The following RERGL variants were observed in gnomAD, a reference collection of about 807,000 sequenced individuals.
The protein encoded by RERGL is ras-related and estrogen-regulated growth inhibitor-like protein.
RERGL carries 22 observed loss-of-function variants against 24.7 expected under a neutral mutation model. The observed-to-expected ratio is 0.89, with a 90% CI of 0.64 to 1.27. RERGL has a LOEUF of 1.27. Ranked by LOEUF, RERGL falls within the 50% of genes most tolerant of loss-of-function variation. RERGL has a pLI of 0.00. For missense variants in RERGL, 259 were observed against 235.3 expected (o/e 1.10, Z -0.66); for synonymous variants, 76 against 82.6 (o/e 0.92, Z 0.43).
rs762726636 is a variant in RERGL, at chr12:18,088,895, CT to C, written c.109+4del. ...AAGGTAAAAATGTCTAGAGTAGTGA[CT>C]TACCAAAATTAGAAGCATATTCTCC... On this transcript the variant is annotated splice_donor_region_variant and intron_variant, in intron 2 of 4. Transcript: ENST00000538724. The C allele has an allele frequency of 1.3e-6, 2 of 1,586,258 alleles. No individual in the cohort carries two copies. The highest frequency in any genetic ancestry group is 2.7e-5 in the African/African-American group (2 of 74,328).
chr12:18,089,480 G>A, intron 1 of RERGL: 1 of 767,720 alleles, frequency 1.3e-6, no homozygotes, highest in East Asian at 3.4e-5. Flanking sequence ...GATTCTTTAG[G>A]CTCAAGTGAC....
chr12:18,086,461 A>T (rs766444862), intron 2 of RERGL, among the ~76,000 whole-genome samples: 1 of 152,190 alleles, frequency 6.6e-6, no homozygotes, highest in Non-Finnish European at 1.5e-5. Context: ...TTATGACTTA[A>T]TGGTTAATTC....
At chr12:18,087,627 T>C (rs1373624034) in intron 2 of RERGL, among the ~76,000 whole-genome samples, 1 of 152,192 alleles carries the variant, frequency 6.6e-6, no homozygotes, top group Non-Finnish European at 1.5e-5. Flanking sequence ...CTAGGTCTTT[T>C]ATTTTTCATC....
intron 4 of RERGL, among the ~76,000 whole-genome samples, chr12:18,081,951 T>C (rs1263370047): frequency 6.6e-6 from 1 of 152,012 alleles, no homozygotes; most frequent in Non-Finnish European, 1.5e-5. Context: ...CCATCCTGGC[T>C]AACACGGTGA....
rs775073523 is a variant in RERGL, at chr12:18,081,423, T to C, written c.383A>G (p.His128Arg). The part of the protein sequence containing the change: ...FLVGNKRDLC[H>R]VREVGWEEGQ... Reference sequence around the variant, plus strand: ...TTCTTCCCAGCCAACCTCTCGCACATGACAAAGATCTCGTTTGTTGCCAAC... The same window carrying C: ...TTCTTCCCAGCCAACCTCTCGCACACGACAAAGATCTCGTTTGTTGCCAAC... Residue 128 changes from histidine (H) to arginine (R), a missense_variant, in exon 5 of 5, where the codon CAT (histidine) becomes CGT (arginine). By Grantham distance (29) the His-to-Arg change is conservative. Coordinates refer to ENST00000538724, the MANE Select transcript of RERGL (RefSeq NM_001286201.2). 6 of 1,613,564 alleles carry C rather than the reference T, an allele frequency of 3.7e-6. No homozygotes were observed. In the Admixed American group the frequency reaches 1.0e-4, roughly 27 times the overall value.
chr12:18,081,112 G>T lies in RERGL; in HGVS notation c.*79C>A. The T allele has an allele frequency of 1.6e-6, 2 of 1,287,316 alleles. No homozygotes were observed. The highest frequency in any genetic ancestry group is 2.1e-6 in the Non-Finnish European group (2 of 944,258). The allele number at this position is 1,287,316 out of a possible 1,614,324, so 79.7% of individuals were successfully genotyped here. A position where few individuals can be genotyped will look rare whatever the true frequency, so the allele number is the denominator to read the frequency against. On this transcript the variant is annotated 3_prime_UTR_variant, in exon 5 of 5. Transcript: ENST00000538724. ...GAATTCTTTTTACCAAAAAAAAATT[G>T]CATACAAAGGTTAGTTTAATTATCA...
At chr12:18,082,892 T>C (rs1947186831) in intron 4 of RERGL, among the ~76,000 whole-genome samples, 1 of 152,188 alleles carries the variant, frequency 6.6e-6, no homozygotes, top group South Asian at 2.1e-4. Context: ...ATGTCTTCCT[T>C]GGTTATAAAG....
At position 18,084,508 on chromosome 12, in the gene RERGL, A is replaced by T. The variant is rs781372212; in HGVS notation, c.332+9T>A. ...AAAAGAAAGGAGAAAGGAATGAAAAATACCTTACCTTTTACAATGACTAGT... is the reference window on the plus strand; with the variant it reads ...AAAAGAAAGGAGAAAGGAATGAAAATTACCTTACCTTTTACAATGACTAGT... On this transcript the variant is annotated intron_variant, in intron 4 of 4. Coordinates refer to ENST00000538724, the MANE Select transcript of RERGL (RefSeq NM_001286201.2). The T allele has an allele frequency of 6.3e-7, 1 of 1,597,482 alleles. No homozygotes were observed.
rs527446280 is a variant in RERGL at position 18,082,575 on chromosome 12, A to G, written c.333-1102T>C. ...GGAGATTGTATACATTAAATGATGT[A>G]CATAAAAATACCTAACACAGGCCCA... On this transcript the variant is annotated intron_variant, in intron 4 of 4. Coordinates refer to ENST00000538724, the MANE Select transcript of RERGL (RefSeq NM_001286201.2). Among the ~76,000 whole-genome samples, 5 of 152,338 alleles carry G rather than the reference A, an allele frequency of 3.3e-5. No individual in the cohort carries two copies. The South Asian group carries it at 1.0e-3, about 32-fold the overall frequency.
At chr12:18,087,635 A>C (rs968217342) in intron 2 of RERGL, among the ~76,000 whole-genome samples, 1 of 152,118 alleles carries the variant, frequency 6.6e-6, no homozygotes, top group Admixed American at 6.5e-5. Context: ...TTTATTTTTC[A>C]TCGAGAGGTA....
chr12:18,088,382 T>C (rs1947239471), intron 2 of RERGL, among the ~76,000 whole-genome samples: 1 of 152,108 alleles, frequency 6.6e-6, no homozygotes, highest in Admixed American at 6.6e-5. Context: ...CTTAAAATTA[T>C]ATCAAAATGC....
Position 18,085,703 on chromosome 12 carries a change from T to G in RERGL, c.110-10A>C. 1 of 1,503,996 alleles carries G rather than the reference T, an allele frequency of 6.6e-7. No individual in the cohort carries two copies. The highest frequency in any genetic ancestry group is 9.2e-7 in the Non-Finnish European group (1 of 1,087,816). 93.2% of individuals were successfully genotyped at this position (1,503,996 alleles called of 1,614,324 possible). On this transcript the variant is annotated splice_polypyrimidine_tract_variant and intron_variant, in intron 2 of 4. Transcript: ENST00000538724. ...TTCTTATAGATAGATTCTGCAAAAA[T>G]ATGCATATCCACTGTCAGTATGAAA... is the stretch of plus-strand genomic sequence containing the variant.
rs554207444 is a variant in RERGL at position 18,081,402 on chromosome 12, T to C, written c.404A>G (p.Glu135Gly). ...DLCHVREVGW[E>G]EGQKLALENR... ...TTCCAGTGCCAGCTTTTGCCCTTCT[T>C]CCCAGCCAACCTCTCGCACATGACA... The change falls in exon 5 of 5, where the codon GAA becomes GGA. Residue 135 changes from glutamate to glycine, a missense_variant. Coordinates refer to ENST00000538724, the MANE Select transcript of RERGL (RefSeq NM_001286201.2). 5.0e-6 allele frequency: 8 copies of C among 1,614,006 alleles called. No homozygotes were observed. In the African/African-American group the frequency reaches 6.7e-5, roughly 13 times the overall value.
At chr12:18,088,033 T>C (rs1947236532) in intron 2 of RERGL, among the ~76,000 whole-genome samples, 1 of 152,164 alleles carries the variant, frequency 6.6e-6, no homozygotes, top group Non-Finnish European at 1.5e-5. Flanking sequence ...CATGATTGAA[T>C]GCTAAAGATT....
chr12:18,081,732 T>C lies in RERGL; in HGVS notation c.333-259A>G, dbSNP rs147780574. ...GAATTGAAGTAACATGGACCTATTATTGAATTCTGGTGCTGTCTACTAACC... is the reference window on the plus strand; with the variant it reads ...GAATTGAAGTAACATGGACCTATTACTGAATTCTGGTGCTGTCTACTAACC... On this transcript the variant is annotated intron_variant, in intron 4 of 4. Coordinates refer to ENST00000538724, the MANE Select transcript of RERGL (RefSeq NM_001286201.2). Among the ~76,000 whole-genome samples the C allele has an allele frequency of 2.0e-5, 3 of 152,312 alleles. No individual in the cohort carries two copies. In the East Asian group the frequency reaches 5.8e-4, roughly 29 times the overall value.
At chr12:18,086,964 C>CA (rs927584726) in intron 2 of RERGL, among the ~76,000 whole-genome samples, 4 of 152,064 alleles carry the variant, frequency 2.6e-5, no homozygotes, top group East Asian at 1.9e-4. Context: ...GCTTCTCAGG[C>CA]AAAAAACCCT....
chr12:18,090,022 G>T (rs1228546401), intron 1 of RERGL, 67 bp downstream of exon 1: 3 of 1,181,870 alleles, frequency 2.5e-6, no homozygotes, highest in Non-Finnish European at 3.5e-6. Context: ...CGTGGTTAAT[G>T]GTTAACATGT....
rs1947249561 is a variant in RERGL, at chr12:18,089,403, A to C, written c.53-447T>G. On this transcript the variant is annotated intron_variant, in intron 1 of 4. Transcript: ENST00000538724. ...GTAGGGACCTACAAATCCAGGAAAT[A>C]GAAAAAGAACCTCTGGTATCCATTC... 3 of 1,348,684 alleles carry C rather than the reference A, an allele frequency of 2.2e-6. No homozygotes were observed. The African/African-American group carries it at 4.5e-5, about 20-fold the overall frequency. 83.5% of individuals were successfully genotyped at this position (1,348,684 alleles called of 1,614,324 possible).
At chr12:18,082,449 GT>G (rs1947183422) in intron 4 of RERGL, among the ~76,000 whole-genome samples, 1 of 152,094 alleles carries the variant, frequency 6.6e-6, no homozygotes, top group Non-Finnish European at 1.5e-5. Context: ...ACGTTTACTT[GT>G]GTAAAAAACC....
Sources: gnomAD v4.1 joint callset for allele counts (sites outside exome capture counted in the v4.1 genomes callset) on GRCh38, gnomAD v4.1.1 for gene constraint, MANE v1.5 for transcripts, NCBI Gene and HGNC (gene_info 2026-07-23, HGNC 2026-07-21) for gene names.